Variants in MICAL1 observed in about 807,000 individuals in gnomAD.
MICAL1 encodes the protein [F-actin]-monooxygenase MICAL1.
Under a neutral mutation model 131.8 loss-of-function variants are expected in MICAL1, and 95 were observed. That is an observed-to-expected ratio of 0.72 (90% confidence interval 0.61 to 0.86). The LOEUF is 0.86. MICAL1 is among the 40% of genes least tolerant of loss of function. MICAL1 has a pLI of 0.00. For missense variants in MICAL1, 1,292 were observed against 1,380.6 expected (o/e 0.94, Z 1.02); for synonymous variants, 546 against 554.2 (o/e 0.99, Z 0.21).
intron 6 of MICAL1, 52 bp from the exon 7 acceptor site, chr6:109,451,752 C>A (rs1291878871): frequency 3.1e-6 from 5 of 1,603,748 alleles, no homozygotes; most frequent in Non-Finnish European, 3.4e-6. Context: ...AATGCATCAC[C>A]TTCCCTAAAC....
At position 109,444,597 on chromosome 6, in the gene MICAL1, G is replaced by A. The variant is rs1775122254; in HGVS notation, c.3055+128C>T. The A allele has an allele frequency of 3.3e-6, 4 of 1,217,028 alleles. No individual in the cohort carries two copies. The East Asian group carries it at 9.4e-5, about 29-fold the overall frequency. The allele number at this position is 1,217,028 out of a possible 1,614,324, so 75.4% of individuals were successfully genotyped here. On this transcript the variant is annotated intron_variant, in intron 24 of 24. Coordinates refer to ENST00000358807, the MANE Select transcript of MICAL1 (RefSeq NM_022765.4). ...AAGGGGCTTTGGAGCCCCCTCCTCTGGCTTCCTCCTGAATTGTCTCAGAGG... is the reference window on the plus strand; with the variant it reads ...AAGGGGCTTTGGAGCCCCCTCCTCTAGCTTCCTCCTGAATTGTCTCAGAGG...
intron 11 of MICAL1, 85 bp downstream of exon 11, chr6:109,449,315 A>T: frequency 7.1e-7 from 1 of 1,410,704 alleles, no homozygotes; most frequent in East Asian, 2.3e-5. Context: ...TCCTGTCCTG[A>T]GGCTGCAGCT....
chr6:109,446,046 TC>T, intron 19 of MICAL1, 89 bp downstream of exon 19: 1 of 1,487,394 alleles, frequency 6.7e-7, no homozygotes. Flanking sequence ...CCCCACAACT[TC>T]CCTCTGTATT....
At chr6:109,446,987 A>G (rs1048615833) in intron 17 of MICAL1, 86 bp downstream of exon 17, 3 of 1,517,810 alleles carry the variant, frequency 2.0e-6, no homozygotes, top group African/African-American at 2.8e-5. Flanking sequence ...GCCTGTTTCC[A>G]TCCTGTGCCT....
chr6:109,452,698 A>G, intron 4 of MICAL1, 83 bp from the exon 5 acceptor site: 1 of 990,476 alleles, frequency 1.0e-6, no homozygotes. Flanking sequence ...TGAAATCATC[A>G]AAACGTGTAA....
upstream of MICAL1, chr6:109,455,891 C>G (rs1582657409): frequency 1.2e-5 from 12 of 985,376 alleles, no homozygotes; most frequent in Non-Finnish European, 1.4e-5. The surrounding 1 kb of genome is among the most constrained non-coding windows in gnomAD (Gnocchi z 4.7). Context: ...TGGGCTTCCG[C>G]GAGGGGCGCG....
intron 1 of MICAL1, chr6:109,463,702 G>A (rs1221669248): frequency 6.6e-6 from 1 of 152,144 alleles, no homozygotes; most frequent in Non-Finnish European, 1.5e-5. Flanking sequence ...TGCAGAAAGT[G>A]TAAAATACAC....
In MICAL1 at chr6:109,453,959, G is replaced by C; in HGVS notation, c.238C>G (p.Arg80Gly). 5 of 1,613,846 alleles carry C rather than the reference G, an allele frequency of 3.1e-6. No homozygotes were observed. The highest frequency in any genetic ancestry group is 4.2e-6 in the Non-Finnish European group (5 of 1,179,910). ...RAGQPVYQQG[R>G]ACTSTKCLVV... is the part of the protein sequence containing the mutation. ...TCCACCTTGGTGCTGGTGCAGGCCC[G>C]GCCCTGCTGGTAGACAGGCTGGCCT... The change falls in exon 2 of 25, where the codon CGG becomes GGG. Residue 80 changes from arginine (R) to glycine (G), a missense_variant. Transcript: ENST00000358807.
rs1208496560 is a variant in MICAL1, at chr6:109,448,218, T to G, written c.1840A>C (p.Met614Leu). 6.2e-7 allele frequency: 1 copy of G among 1,612,424 alleles called. No individual in the cohort carries two copies. Among genetic ancestry groups the G allele is most frequent in the South Asian group, 1.1e-5 (1 of 91,050 alleles). Residue 614 changes from methionine to leucine, a missense_variant, in exon 13 of 25, where the codon ATG becomes CTG. Coordinates refer to ENST00000358807, the MANE Select transcript of MICAL1 (RefSeq NM_022765.4). ...TTCAGGTCACCTGGGCTGTGGGCCA[T>G]GCTCTTGAAGGCACTGTGGAAGTGG... ...LSHFHSAFKS[M>L]AHSPGPVSQA...
chr6:109,459,154 A>G (rs1357297387), upstream of MICAL1, among the ~76,000 whole-genome samples: 2 of 152,196 alleles, frequency 1.3e-5, no homozygotes, highest in African/African-American at 4.8e-5. Flanking sequence ...ATTTTATTCT[A>G]AAGGCCAATG....
rs138957642 is a variant in MICAL1 at position 109,448,671 on chromosome 6, C to T, written c.1664+61G>A. 136 of 1,596,668 alleles carry T rather than the reference C, an allele frequency of 8.5e-5. 2 individuals are homozygous for T. The African/African-American group carries it at 1.7e-3, about 20-fold the overall frequency. On this transcript the variant is annotated intron_variant, in intron 12 of 24. Transcript: ENST00000358807. ...GAAGCACACTGTCTCTAGGATTCAA[C>T]TGGATATGCTAACTCCTACACTGAG... is the stretch of plus-strand genomic sequence containing the variant.
At chr6:109,444,360 T>A in intron 24 of MICAL1, 21 bp from the exon 25 acceptor site, 1 of 1,613,114 alleles carries the variant, frequency 6.2e-7, no homozygotes, top group Non-Finnish European at 8.5e-7. Context: ...GAGACAAAGC[T>A]TAGAGAACAG....
intron 11 of MICAL1, 95 bp downstream of exon 11, chr6:109,449,305 T>G (rs776410234): frequency 7.5e-7 from 1 of 1,335,690 alleles, no homozygotes; most frequent in Non-Finnish European, 1.1e-6. Context: ...GGCACGCTGC[T>G]CCTGTCCTGA....
chr6:109,461,169 T>A (rs1436107792), intron 1 of MICAL1, among the ~76,000 whole-genome samples: 1 of 146,930 alleles, frequency 6.8e-6, no homozygotes, highest in Non-Finnish European at 1.5e-5. Context: ...AGTGTTCTCA[T>A]TGTTCAATTC....
rs1461993898 is a variant in MICAL1 at position 109,455,310 on chromosome 6, G to A, written c.-44+409C>T. Among the ~76,000 whole-genome samples the A allele has an allele frequency of 6.6e-6, 1 of 152,194 alleles. No homozygotes were observed. Among genetic ancestry groups the A allele is most frequent in the Non-Finnish European group, 1.5e-5 (1 of 68,028 alleles). ...CTCCGTTCCCAGCCCGCCGCGCCGA[G>A]ACAGGAGATGAAAGCCTCCCGCTGC... On this transcript the variant is annotated intron_variant, in intron 1 of 24. Transcript: ENST00000358807. The surrounding 1 kb of genome is among the most constrained non-coding windows in gnomAD (Gnocchi z 4.7).
At position 109,453,311 on chromosome 6, in the gene MICAL1, T is replaced by G. The variant is rs1427602066; in HGVS notation, c.523A>C (p.Ile175Leu). 1 of 1,613,994 alleles carries G rather than the reference T, an allele frequency of 6.2e-7. No homozygotes were observed. Among genetic ancestry groups the G allele is most frequent in the Non-Finnish European group, 8.5e-7 (1 of 1,180,008 alleles). ...CCAGTGAAAGTGACACCCCAGTGAA[T>G]TTCCACCCCCAGCAGCAATGCTACC... ...LKVALLLGVEIHWGVTFTGLQ... is the reference protein window; with the variant it reads ...LKVALLLGVELHWGVTFTGLQ... The change falls in exon 4 of 25, where the codon ATT becomes CTT. Residue 175 changes from isoleucine (I) to leucine (L), a missense_variant. Transcript: ENST00000358807.
In MICAL1 at chr6:109,447,117, TCA is replaced by T. The variant is rs749679564; in HGVS notation, c.2181_2182del (p.Cys727Ter). 121 of 1,613,994 alleles carry T rather than the reference TCA, an allele frequency of 7.5e-5. No homozygotes were observed. Among genetic ancestry groups the T allele is most frequent in the Non-Finnish European group, 7.6e-6 (9 of 1,180,024 alleles). On this transcript the variant is annotated stop_gained and frameshift_variant, in exon 17 of 25. Coordinates refer to ENST00000358807, the MANE Select transcript of MICAL1 (RefSeq NM_022765.4). LOFTEE classifies it high-confidence loss of function. ...GTAGCCACCTGGCCACAGTGTGGCC[TCA>T]CAGGTATGGCAGCGGAAGCAGCTCC... is the stretch of plus-strand genomic sequence containing the variant.
chr6:109,448,262 C>T lies in MICAL1; in HGVS notation c.1796G>A (p.Gly599Asp), dbSNP rs1297892293. 1 of 1,613,822 alleles carries T rather than the reference C, an allele frequency of 6.2e-7. No individual in the cohort carries two copies. The highest frequency in any genetic ancestry group is 2.2e-5 in the East Asian group (1 of 44,884). The change falls in exon 13 of 25, where the codon GGC (glycine) becomes GAC (aspartate). Residue 599 changes from glycine (G) to aspartate (D), a missense_variant. By Grantham distance (94) the Gly-to-Asp change is moderately conservative. Transcript: ENST00000358807. The part of the protein sequence containing the change: ...QAVVAGSDPL[G>D]LIAYLSHFHS... Reference sequence around the variant, plus strand: ...GAAGTGGCTGAGGTAGGCAATGAGGCCCAGTGGGTCACTCCCTGCTACCAC... The same window carrying T: ...GAAGTGGCTGAGGTAGGCAATGAGGTCCAGTGGGTCACTCCCTGCTACCAC...
intron 18 of MICAL1, 38 bp from the exon 19 acceptor site, chr6:109,446,450 A>C: frequency 3.3e-6 from 2 of 611,890 alleles, no homozygotes; most frequent in Non-Finnish European, 4.4e-6. Flanking sequence ...TCGGGGGGTG[A>C]GGCCACCCCT....
Sources: gnomAD v4.1 joint callset for allele counts (sites outside exome capture counted in the v4.1 genomes callset) on GRCh38, gnomAD v4.1.1 for gene constraint, Gnocchi (gnomAD v3.1) non-coding constraint, MANE v1.5 for transcripts, NCBI Gene and HGNC (gene_info 2026-07-23, HGNC 2026-07-21) for gene names.